Variants in EP300 observed in about 807,000 individuals in gnomAD.
EP300 encodes EP300 lysine acetyltransferase, also known as histone acetyltransferase p300.
EP300 carries 31 observed loss-of-function variants against 264.0 expected under a neutral mutation model. The ratio of observed to expected loss-of-function variants is 0.12; its 90% CI spans 0.09 to 0.16. The LOEUF (loss-of-function observed/expected upper bound fraction) is 0.16, where lower values mean the gene tolerates loss of function less well. Ranked by LOEUF, EP300 falls within the 10% of genes least tolerant of loss-of-function variation. EP300 has a pLI of 1.00. For missense variants in EP300, 2,766 were observed against 3,052.9 expected, an observed-to-expected ratio of 0.91 and a Z score of 2.21; for synonymous variants, 1,340 against 1,045.4, an observed-to-expected ratio of 1.28 and a Z score of -5.44.
Position 41,137,745 on chromosome 22 carries a change from A to G in EP300, c.1715A>G (p.His572Arg), listed in dbSNP as rs1388005979. The G allele has an allele frequency of 6.2e-7, 1 of 1,614,254 alleles. No homozygotes were observed. Among genetic ancestry groups the G allele is most frequent in the Non-Finnish European group, 8.5e-7 (1 of 1,180,050 alleles). The change falls in exon 8 of 31, where the codon CAC becomes CGC. Residue 572 changes from histidine (H) to arginine (R), a missense_variant. Coordinates refer to ENST00000263253, the MANE Select transcript of EP300 (RefSeq NM_001429.4). ...PSTTGIRKQWHEDITQDLRNH... is the reference protein window; with the variant it reads ...PSTTGIRKQWREDITQDLRNH... ...ACTACTGGAATTCGGAAACAGTGGC[A>G]CGAAGATATTACTCAGGATCTTCGA...
chr22:41,146,168 T>TC (rs2059009713), intron 10 of EP300, among the ~76,000 whole-genome samples: 1 of 150,282 alleles, frequency 6.7e-6, no homozygotes, highest in Non-Finnish European at 1.5e-5. Context: ...GGCCTCAATT[T>TC]TTTTTTTTTT....
intron 1 of EP300, among the ~76,000 whole-genome samples, chr22:41,109,138 G>A (rs2058774292): frequency 6.6e-6 from 1 of 151,732 alleles, no homozygotes; most frequent in African/African-American, 2.4e-5. Context: ...GTGTGGTGAT[G>A]TGTGCCTTTG....
At chr22:41,124,201 C>T (rs1373335236) in intron 2 of EP300, among the ~76,000 whole-genome samples, 1 of 152,258 alleles carries the variant, frequency 6.6e-6, no homozygotes, top group South Asian at 2.1e-4. Context: ...GCCGAAATTG[C>T]ACCACTGCGC....
intron 7 of EP300, among the ~76,000 whole-genome samples, chr22:41,136,916 C>T (rs1056953983): frequency 3.3e-5 from 5 of 149,840 alleles, no homozygotes; most frequent in South Asian, 2.1e-4. Context: ...GAAAATTAGC[C>T]GGGCATGGTG....
Position 41,131,552 on chromosome 22 carries a change from C to G in EP300, c.1447C>G (p.Gln483Glu). The change falls in exon 6 of 31, where the codon CAA becomes GAA. Residue 483 changes from glutamine (Q) to glutamate (E), a missense_variant. Coordinates refer to ENST00000263253, the MANE Select transcript of EP300 (RefSeq NM_001429.4). Reference sequence around the variant, plus strand: ...CTATCAAGTAAATCAGATGCCGACACAACCCCAGGTGCAAGCAAAGAACCA... The same window carrying G: ...CTATCAAGTAAATCAGATGCCGACAGAACCCCAGGTGCAAGCAAAGAACCA... Reference protein sequence around the residue: ...LPYQVNQMPTQPQVQAKNQQN... With the variant: ...LPYQVNQMPTEPQVQAKNQQN... 2 of 1,614,078 alleles carry G rather than the reference C, an allele frequency of 1.2e-6. No individual in the cohort carries two copies. The highest frequency in any genetic ancestry group is 1.7e-6 in the Non-Finnish European group (2 of 1,180,024).
At chr22:41,120,188 TAATA>T (rs1299659219) in intron 2 of EP300, among the ~76,000 whole-genome samples, 1 of 152,190 alleles carries the variant, frequency 6.6e-6, no homozygotes, top group Non-Finnish European at 1.5e-5. Context: ...TTTAAATGTT[TAATA>T]AATTTAACAA....
At chr22:41,103,765 G>T (rs1177122123) in intron 1 of EP300, among the ~76,000 whole-genome samples, 1 of 152,156 alleles carries the variant, frequency 6.6e-6, no homozygotes, top group Non-Finnish European at 1.5e-5. Context: ...TTAGCATCAG[G>T]ATAAGAATTG....
rs780531296 is a variant in EP300, at chr22:41,092,977, C to T, written c.-28C>T. 1.9e-6 allele frequency: 3 copies of T among 1,613,394 alleles called. No individual in the cohort carries two copies. Among genetic ancestry groups the T allele is most frequent in the Admixed American group, 1.7e-5 (1 of 60,026 alleles). On this transcript the variant is annotated 5_prime_UTR_variant, in exon 1 of 31. Coordinates refer to ENST00000263253, the MANE Select transcript of EP300 (RefSeq NM_001429.4). ...AGATTTCCTGAGGATTCTGGTTTTCCTCGCTTGTATCTCCGAAAGAATTAA... is the reference window on the plus strand; with the variant it reads ...AGATTTCCTGAGGATTCTGGTTTTCTTCGCTTGTATCTCCGAAAGAATTAA...
chr22:41,106,714 A>G (rs2058759883), intron 1 of EP300, among the ~76,000 whole-genome samples: 1 of 152,080 alleles, frequency 6.6e-6, no homozygotes, highest in Non-Finnish European at 1.5e-5. Context: ...CTCCTGGGCT[A>G]AATGATCCTC....
intron 1 of EP300, among the ~76,000 whole-genome samples, chr22:41,100,925 CTTA>C (rs904087704): frequency 1.3e-5 from 2 of 151,934 alleles, no homozygotes; most frequent in African/African-American, 2.4e-5. Context: ...TACAAGACAT[CTTA>C]TATATCCTAT....
chr22:41,146,629 A>G (rs2059011879), intron 10 of EP300, 110 bp from the exon 11 acceptor site: 17 of 921,936 alleles, frequency 1.8e-5, no homozygotes, highest in Admixed American at 3.8e-5. Context: ...TTCATACTCA[A>G]TTTTCAAAGG....
chr22:41,096,960 G>T (rs765397551), intron 1 of EP300, among the ~76,000 whole-genome samples: 5 of 152,110 alleles, frequency 3.3e-5, no homozygotes, highest in African/African-American at 1.2e-4. Context: ...TTAGTGGTTC[G>T]TCATCCTAAC....
At position 41,127,474 on chromosome 22, in the gene EP300, T is replaced by G; in HGVS notation, c.907-13T>G. ...ATGACTCCTACCATTAAATATATTGTTATATCTCTCAGGGTCAACAGCCAG... is the reference window on the plus strand; with the variant it reads ...ATGACTCCTACCATTAAATATATTGGTATATCTCTCAGGGTCAACAGCCAG... On this transcript the variant is annotated splice_polypyrimidine_tract_variant and intron_variant, in intron 3 of 30. Coordinates refer to ENST00000263253, the MANE Select transcript of EP300 (RefSeq NM_001429.4). The G allele has an allele frequency of 6.2e-7, 1 of 1,613,932 alleles. No homozygotes were observed. Among genetic ancestry groups the G allele is most frequent in the Admixed American group, 1.7e-5 (1 of 60,008 alleles).
intron 2 of EP300, among the ~76,000 whole-genome samples, chr22:41,121,279 G>A (rs781742667): frequency 1.3e-5 from 2 of 152,080 alleles, no homozygotes; most frequent in African/African-American, 4.8e-5. Context: ...GTATGGTGGT[G>A]GGTAATTGGA....
At chr22:41,163,996 A>G in intron 21 of EP300, 57 bp from the exon 22 acceptor site, 1 of 1,498,398 alleles carries the variant, frequency 6.7e-7, no homozygotes. Context: ...GAAATATTGC[A>G]AGTTTTCATT....
intron 2 of EP300, among the ~76,000 whole-genome samples, chr22:41,121,342 G>A (rs989422651): frequency 6.6e-6 from 1 of 152,130 alleles, no homozygotes; most frequent in African/African-American, 2.4e-5. Flanking sequence ...TAACTATAGT[G>A]TAGCAGAAAT....
intron 11 of EP300, 96 bp from the exon 12 acceptor site, chr22:41,147,737 CAAAA>C (rs766424236): frequency 1.1e-5 from 8 of 760,996 alleles, no homozygotes; most frequent in African/African-American, 9.4e-5. Flanking sequence ...GACTCCGTCT[CAAAA>C]AAAAAAAAAG....
At chr22:41,096,411 G>A (rs1385751901) in intron 1 of EP300, among the ~76,000 whole-genome samples, 3 of 152,002 alleles carry the variant, frequency 2.0e-5, no homozygotes, top group Admixed American at 6.6e-5. Flanking sequence ...TTTAGGATCT[G>A]GCATATAATT....
At chr22:41,094,707 TC>T (rs1213545566) in intron 1 of EP300, among the ~76,000 whole-genome samples, 1 of 152,234 alleles carries the variant, frequency 6.6e-6, no homozygotes, top group Non-Finnish European at 1.5e-5. Context: ...TTGTGGTGTT[TC>T]TTTCGTATTT....
Sources: allele counts gnomAD v4.1 joint callset (sites outside exome capture counted in the v4.1 genomes callset), GRCh38; gene constraint gnomAD v4.1.1; transcripts MANE v1.5; gene names NCBI Gene and HGNC (gene_info 2026-07-23, HGNC 2026-07-21).